Variants in DPP10 observed in about 807,000 individuals in gnomAD.
DPP10 encodes dipeptidyl peptidase like 10, also known as inactive dipeptidyl peptidase 10.
A neutral mutation model predicts 120.9 loss-of-function variants in DPP10; 33 were observed. That is an observed-to-expected ratio of 0.27 (90% CI 0.21 to 0.37). The LOEUF (loss-of-function observed/expected upper bound fraction) is 0.37. Among genes scored for constraint, DPP10 ranks in the 10% least tolerant of loss-of-function variants. The pLI is 1.00. For missense variants in DPP10, 816 were observed against 942.8 expected (o/e 0.87, Z 1.76); for synonymous variants, 337 against 326.1 (o/e 1.03, Z -0.36).
chr2:115,505,414 C>A (rs554836314), intron 4 of DPP10, among the ~76,000 whole-genome samples: 1 of 152,096 alleles, frequency 6.6e-6, no homozygotes, highest in African/African-American at 2.4e-5. Flanking sequence ...GATTACAATT[C>A]CAGTGTTGAT....
chr2:114,568,813 C>T (rs1023546965), intron 1 of DPP10, among the ~76,000 whole-genome samples: 2 of 152,212 alleles, frequency 1.3e-5, no homozygotes, highest in East Asian at 1.9e-4. Context: ...TTGCCTTCTG[C>T]ATTCTACCTA....
At chr2:114,874,655 AAATGT>A (rs1690998641) in intron 1 of DPP10, among the ~76,000 whole-genome samples, 1 of 152,060 alleles carries the variant, frequency 6.6e-6, no homozygotes, top group Non-Finnish European at 1.5e-5. Flanking sequence ...AGTGCACAAT[AAATGT>A]AATGTACTAG....
chr2:115,825,736 A>G (rs1688244579), intron 21 of DPP10, among the ~76,000 whole-genome samples: 1 of 152,178 alleles, frequency 6.6e-6, no homozygotes, highest in South Asian at 2.1e-4. Flanking sequence ...TTATCTGTCT[A>G]CTTTTTCTAT....
At chr2:114,530,964 GA>G (rs754530665) in intron 1 of DPP10, among the ~76,000 whole-genome samples, 45 of 149,304 alleles carry the variant, frequency 3.0e-4, no homozygotes, top group African/African-American at 9.1e-4. Context: ...TCAATTAACA[GA>G]AAAAAAAACA....
intron 1 of DPP10, among the ~76,000 whole-genome samples, chr2:114,477,725 A>G (rs1422815704): frequency 9.7e-6 from 1 of 103,366 alleles, no homozygotes; most frequent in Non-Finnish European, 2.5e-5. Context: ...ATATATATAC[A>G]TATATACACA....
At chr2:115,427,881 A>G (rs183865546) in intron 3 of DPP10, among the ~76,000 whole-genome samples, 1 of 152,274 alleles carries the variant, frequency 6.6e-6, no homozygotes, top group Admixed American at 6.5e-5. Flanking sequence ...TATAACTTCC[A>G]AATTTAAGTC....
chr2:115,481,739 T>A (rs2075441481), intron 3 of DPP10, among the ~76,000 whole-genome samples: 1 of 152,144 alleles, frequency 6.6e-6, no homozygotes, highest in African/African-American at 2.4e-5. Flanking sequence ...GATTAATATT[T>A]TCAGGGTTCA....
intron 1 of DPP10, among the ~76,000 whole-genome samples, chr2:115,009,512 G>T (rs1454940990): frequency 6.6e-6 from 1 of 151,656 alleles, no homozygotes; most frequent in African/African-American, 2.4e-5. Flanking sequence ...ACACCAGCAT[G>T]GCCCATGTAT....
intron 1 of DPP10, among the ~76,000 whole-genome samples, chr2:115,047,635 A>G (rs966828556): frequency 1.3e-5 from 2 of 151,924 alleles, no homozygotes; most frequent in Admixed American, 1.3e-4. Flanking sequence ...TTTAAAATGT[A>G]AAAAAAAGCA....
intron 1 of DPP10, among the ~76,000 whole-genome samples, chr2:114,613,735 G>C (rs785042): frequency 6.6e-6 from 1 of 152,014 alleles, no homozygotes; most frequent in Non-Finnish European, 1.5e-5. Flanking sequence ...CCATCAATGA[G>C]AGACTGGATA....
chr2:115,637,392 C>CA (rs1468440769), intron 5 of DPP10, among the ~76,000 whole-genome samples: 2 of 151,336 alleles, frequency 1.3e-5, no homozygotes, highest in Non-Finnish European at 2.9e-5. Flanking sequence ...AGCATAATCA[C>CA]AAAAAATATA....
At chr2:115,372,501 C>T (rs1201007813) in intron 3 of DPP10, among the ~76,000 whole-genome samples, 2 of 151,996 alleles carry the variant, frequency 1.3e-5, no homozygotes, top group East Asian at 1.9e-4. Context: ...AATGTAGAGC[C>T]AAGATTGATT....
At chr2:115,118,671 C>T (rs2049656708) in intron 1 of DPP10, among the ~76,000 whole-genome samples, 1 of 151,934 alleles carries the variant, frequency 6.6e-6, no homozygotes. Flanking sequence ...TCTCTGTCTC[C>T]TGGGTTCAAG....
chr2:114,460,515 T>C (rs1323223392), intron 1 of DPP10, among the ~76,000 whole-genome samples: 8 of 152,158 alleles, frequency 5.3e-5, no homozygotes, highest in Non-Finnish European at 1.0e-4. Flanking sequence ...AAAAAACTAC[T>C]GAGTAAATTC....
chr2:115,737,140 A>G (rs1545359), intron 8 of DPP10, among the ~76,000 whole-genome samples: 20,398 of 152,180 alleles, frequency 0.13, 1,748 homozygotes, highest in African/African-American at 0.24. Flanking sequence ...CAGACCTGCC[A>G]TAAACCAGGC....
chr2:114,733,817 TTTC>T (rs1677153391), intron 1 of DPP10, among the ~76,000 whole-genome samples: 1 of 152,156 alleles, frequency 6.6e-6, no homozygotes, highest in East Asian at 1.9e-4. Context: ...GATCCAGATG[TTTC>T]TATTTTCTTC....
intron 1 of DPP10, among the ~76,000 whole-genome samples, chr2:114,882,539 G>A (rs1213301324): frequency 6.6e-6 from 1 of 151,976 alleles, no homozygotes; most frequent in Non-Finnish European, 1.5e-5. Flanking sequence ...GGGAGGGGAG[G>A]TGAGGGCTAA....
intron 1 of DPP10, among the ~76,000 whole-genome samples, chr2:114,488,163 A>G (rs1339003492): frequency 6.6e-6 from 1 of 152,152 alleles, no homozygotes; most frequent in Non-Finnish European, 1.5e-5. Context: ...TTTGACAGCT[A>G]TCAATATGTC....
In DPP10 at chr2:115,679,308, TA is replaced by T. The variant is rs544493212; in HGVS notation, c.442-10377del. ...GTCATAGGAGGGACCTGATGGGAGGTAATTGAATCATGGGAGCAGTTACCTT... is the reference window on the plus strand; with the variant it reads ...GTCATAGGAGGGACCTGATGGGAGGTATTGAATCATGGGAGCAGTTACCTT... On this transcript the variant is annotated intron_variant, in intron 5 of 25. Coordinates refer to ENST00000410059, the MANE Select transcript of DPP10 (RefSeq NM_020868.6). 5.9e-4 allele frequency among the ~76,000 whole-genome samples: 90 copies of T among 152,104 alleles called. 1 individual carries two copies. Among genetic ancestry groups the T allele is most frequent in the Non-Finnish European group, 9.9e-4 (67 of 67,990 alleles).
Sources: allele counts gnomAD v4.1 joint callset (sites outside exome capture counted in the v4.1 genomes callset), GRCh38; gene constraint gnomAD v4.1.1; transcripts MANE v1.5; gene names NCBI Gene and HGNC (gene_info 2026-07-23, HGNC 2026-07-21).